The following NUP98 variants were observed in gnomAD, a reference collection of about 807,000 sequenced individuals.
The protein encoded by NUP98 is nuclear pore complex protein Nup98-Nup96.
A neutral mutation model predicts 191.9 loss-of-function variants in NUP98; 26 were observed. The observed-to-expected ratio is 0.14, with a 90% CI of 0.10 to 0.19. NUP98 has a LOEUF of 0.19. Among genes scored for constraint, NUP98 ranks in the 10% least tolerant of loss-of-function variants. The pLI is 1.00. For synonymous variants in NUP98, 808 were observed against 778.4 expected (o/e 1.04, Z -0.63); for missense variants, 1,941 against 2,178.8 (o/e 0.89, Z 2.17).
intron 15 of NUP98, among the ~76,000 whole-genome samples, chr11:3,724,760 G>A (rs138999385): frequency 2.7e-4 from 23 of 84,014 alleles, no homozygotes; most frequent in African/African-American, 9.2e-4. Context: ...CAGCCTGGGC[G>A]ACAGAGTGAG....
At chr11:3,744,458 C>T in intron 12 of NUP98, 51 bp downstream of exon 12, 2 of 1,556,146 alleles carry the variant, frequency 1.3e-6, no homozygotes, top group East Asian at 2.3e-5. Context: ...ATCAGGTCAG[C>T]AAGTATTAGC....
chr11:3,700,381 GT>G (rs2078640783), intron 24 of NUP98, among the ~76,000 whole-genome samples: 1 of 151,940 alleles, frequency 6.6e-6, no homozygotes, highest in Non-Finnish European at 1.5e-5. Context: ...ACTTGCTACA[GT>G]TCTTTGTGGA....
In NUP98 at chr11:3,679,589, T is replaced by C. The variant is rs2077925976; in HGVS notation, c.5038A>G (p.Ile1680Val). 6.2e-7 allele frequency: 1 copy of C among 1,614,070 alleles called. No individual in the cohort carries two copies. Reference protein sequence around the residue: ...ETSGLVYLDYIRVIEMLRHIQ... With the variant: ...ETSGLVYLDYVRVIEMLRHIQ... ...TGGCGGAGCATTTCAATGACTCTAA[T>C]ATAGTCCAGGTAAACAAGCCCAGAT... Residue 1680 changes from isoleucine (I) to valine (V), a missense_variant, in exon 31 of 33, where the codon ATT becomes GTT. Ile to Val is a conservative substitution (Grantham distance 29). Around this residue, in one of 6 missense-constraint regions of NUP98, gnomAD observed 1,030 missense variants for 1,115.8 expected, o/e 0.92. Transcript: ENST00000324932.
chr11:3,729,982 C>T (rs1161466331), intron 14 of NUP98, among the ~76,000 whole-genome samples: 1 of 152,050 alleles, frequency 6.6e-6, no homozygotes, highest in African/African-American at 2.4e-5. Flanking sequence ...TGGCTCACAC[C>T]AGTAATCCCA....
At chr11:3,753,963 A>G (rs1285479251) in intron 10 of NUP98, among the ~76,000 whole-genome samples, 2 of 151,280 alleles carry the variant, frequency 1.3e-5, no homozygotes, top group Non-Finnish European at 2.9e-5. Flanking sequence ...ATAAATAAAT[A>G]AATAAAATAA....
chr11:3,712,381 C>T, intron 20 of NUP98, 183 bp downstream of exon 20: 1 of 1,393,054 alleles, frequency 7.2e-7, no homozygotes, highest in Non-Finnish European at 9.3e-7. Context: ...TAAATCTCTC[C>T]AGTAAAAAGA....
Position 3,779,183 on chromosome 11 carries a change from G to A in NUP98, c.151C>T (p.Leu51Phe). 1 of 1,614,098 alleles carries A rather than the reference G, an allele frequency of 6.2e-7. No individual in the cohort carries two copies. The highest frequency in any genetic ancestry group is 1.1e-5 in the South Asian group (1 of 91,082). ...AFGSSNNTGGLFGNSQTKPGG... is the reference protein window; with the variant it reads ...AFGSSNNTGGFFGNSQTKPGG... ...GGTTTAGTCTGTGAATTTCCAAAGA[G>A]GCCTCCAGTATTGTTGCTAGAACCA... The change falls in exon 3 of 33, where the codon CTC becomes TTC. Residue 51 changes from leucine (L) to phenylalanine (F), a missense_variant. By Grantham distance (22) the Leu-to-Phe change is conservative (BLOSUM62 0). This residue lies in a region of NUP98 where 154 missense variants were observed against 182.9 expected (regional missense o/e 0.84). Transcript: ENST00000324932.
chr11:3,742,256 G>T (rs1250778248), intron 12 of NUP98, among the ~76,000 whole-genome samples: 3 of 151,990 alleles, frequency 2.0e-5, no homozygotes, highest in South Asian at 2.1e-4. Context: ...AACTCCAAGG[G>T]GAAAAAATCT....
intron 7 of NUP98, among the ~76,000 whole-genome samples, chr11:3,770,187 A>C (rs1381978440): frequency 6.6e-6 from 1 of 151,476 alleles, no homozygotes; most frequent in African/African-American, 2.4e-5. Flanking sequence ...TCTATTAAAA[A>C]TATAAAAAAT....
chr11:3,710,118 A>G (rs1255121636), intron 20 of NUP98, among the ~76,000 whole-genome samples: 1 of 152,152 alleles, frequency 6.6e-6, no homozygotes, highest in African/African-American at 2.4e-5. Flanking sequence ...CCTGGGGAGA[A>G]GCATTAAAAT....
At chr11:3,716,821 A>G (rs957678892) in intron 18 of NUP98, among the ~76,000 whole-genome samples, 14 of 152,118 alleles carry the variant, frequency 9.2e-5, no homozygotes, top group Non-Finnish European at 1.3e-4. Context: ...TAGATTTATA[A>G]TAAGTTTTGA....
intron 25 of NUP98, chr11:3,697,146 TCACGCCTCTAATCC>T (rs953024504): frequency 6.6e-6 from 1 of 152,030 alleles, no homozygotes; most frequent in Non-Finnish European, 1.5e-5. Flanking sequence ...ATGTGGTGGC[TCACGCCTCTAATCC>T]CAGCACTTTG....
At chr11:3,735,348 C>T (rs1330227594) in intron 12 of NUP98, 24 bp from the exon 13 acceptor site, 6 of 1,217,792 alleles carry the variant, frequency 4.9e-6, no homozygotes, top group Non-Finnish European at 6.5e-6. Flanking sequence ...AAAAAGAAAA[C>T]AAAATATATA....
chr11:3,760,777 G>A, intron 9 of NUP98, 151 bp from the exon 10 acceptor site: 2 of 594,410 alleles, frequency 3.4e-6, no homozygotes, highest in South Asian at 5.1e-5. Context: ...ATGAATAAAG[G>A]CTATCAAAAA....
intron 13 of NUP98, 48 bp from the exon 14 acceptor site, chr11:3,731,626 C>T (rs2134283415): frequency 1.3e-5 from 16 of 1,267,250 alleles, no homozygotes; most frequent in Non-Finnish European, 1.7e-5. Context: ...TTTAAATGTA[C>T]TGCACTGGCC....
At chr11:3,786,914 C>T (rs1485068298) in intron 1 of NUP98, among the ~76,000 whole-genome samples, 1 of 152,188 alleles carries the variant, frequency 6.6e-6, no homozygotes, top group Non-Finnish European at 1.5e-5. Flanking sequence ...TAGTTTTTTC[C>T]TTTCCACTTC....
rs139705191 is a variant in NUP98, at chr11:3,750,965, T to A, written c.1267+2351A>T. ...GATTTTTAATTCTACTTCATTTTCT[T>A]CAAATGCTGATTGCAGGCAACTATA... On this transcript the variant is annotated intron_variant, in intron 11 of 32. Coordinates refer to ENST00000324932, the MANE Select transcript of NUP98 (RefSeq NM_016320.5). Among the ~76,000 whole-genome samples, 338 of 152,264 alleles carry A rather than the reference T, an allele frequency of 2.2e-3. 3 individuals carry two copies. The highest frequency in any genetic ancestry group is 7.7e-3 in the African/African-American group (318 of 41,546).
At chr11:3,676,458 A>G in intron 32 of NUP98, 51 bp downstream of exon 32, 1 of 1,605,252 alleles carries the variant, frequency 6.2e-7, no homozygotes, top group Non-Finnish European at 8.5e-7. Context: ...TGTAATAATC[A>G]TAAAAACAGG....
At chr11:3,693,441 A>C in intron 26 of NUP98, 66 bp from the exon 27 acceptor site, 2 of 1,484,676 alleles carry the variant, frequency 1.3e-6, no homozygotes, top group South Asian at 2.4e-5. Flanking sequence ...GTGCAATAAC[A>C]CTGAAGTGAA....
Sources: allele counts gnomAD v4.1 joint callset (sites outside exome capture counted in the v4.1 genomes callset), GRCh38; gene constraint gnomAD v4.1.1; regional missense constraint gnomAD v4.1.1; transcripts MANE v1.5; gene names NCBI Gene and HGNC (gene_info 2026-07-23, HGNC 2026-07-21).